The following ABCB9 variants were observed in gnomAD, a reference collection of about 807,000 sequenced individuals.
ABCB9 encodes the protein ATP binding cassette subfamily B member 9, also known as ABC-type oligopeptide transporter ABCB9.
ABCB9 carries 36 observed loss-of-function variants against 62.0 expected under a neutral mutation model. That is an observed-to-expected ratio of 0.58 (90% CI 0.45 to 0.77). The LOEUF (loss-of-function observed/expected upper bound fraction) is 0.77, where lower values mean the gene tolerates loss of function less well. ABCB9 is among the 30% of genes least tolerant of loss of function. ABCB9 has a pLI of 0.00. For missense variants in ABCB9, 943 were observed against 1,054.7 expected, an observed-to-expected ratio of 0.89 and a Z score of 1.47; for synonymous variants, 435 against 461.4, an observed-to-expected ratio of 0.94 and a Z score of 0.73.
At chr12:122,931,094 G>A (rs1202463658) in intron 11 of ABCB9, among the ~76,000 whole-genome samples, 2 of 151,228 alleles carry the variant, frequency 1.3e-5, no homozygotes, top group African/African-American at 4.9e-5. Context: ...GTGCAATCTC[G>A]GCTCATTGCA....
At chr12:122,963,197 C>T (rs908503698) in intron 1 of ABCB9, among the ~76,000 whole-genome samples, 6 of 152,222 alleles carry the variant, frequency 3.9e-5, no homozygotes, top group Non-Finnish European at 8.8e-5. Context: ...ACTCAGGAGG[C>T]TGAGGCAGAA....
intron 2 of ABCB9, among the ~76,000 whole-genome samples, chr12:122,957,779 A>C (rs2036678792): frequency 7.4e-6 from 1 of 135,336 alleles, no homozygotes; most frequent in Non-Finnish European, 1.5e-5. Context: ...ATGCCTGCCC[A>C]CTCTGATGTT....
At chr12:122,923,369 G>C (rs1471997426) in intron 11 of ABCB9, among the ~76,000 whole-genome samples, 1 of 152,126 alleles carries the variant, frequency 6.6e-6, no homozygotes, top group Non-Finnish European at 1.5e-5. Flanking sequence ...CGCACTGCAA[G>C]CTCCGCCTCC....
At position 122,929,607 on chromosome 12, in the gene ABCB9, G is replaced by C. The variant is rs540482981; in HGVS notation, c.*304C>G. ...TTTTTGAAATCTAGGAGTTGACTGGGGTGCCTCAAACCAAACAGTAAAAAC... is the reference window on the plus strand; with the variant it reads ...TTTTTGAAATCTAGGAGTTGACTGGCGTGCCTCAAACCAAACAGTAAAAAC... On this transcript the variant is annotated 3_prime_UTR_variant, in exon 12 of 12. Coordinates refer to ENST00000280560, the MANE Select transcript of ABCB9 (RefSeq NM_019625.4). This position sits in a 1 kb window ranked among gnomAD's most constrained non-coding sequence, Gnocchi z 6.0. 73 of 1,191,160 alleles carry C rather than the reference G, an allele frequency of 6.1e-5. No homozygotes were observed. Among genetic ancestry groups the C allele is most frequent in the Non-Finnish European group, 7.5e-5 (72 of 962,214 alleles). The allele number at this position is 1,191,160 out of a possible 1,614,324, so 73.8% of individuals were successfully genotyped here. A position where few individuals can be genotyped will look rare whatever the true frequency, so the allele number is the denominator to read the frequency against.
intron 1 of ABCB9, among the ~76,000 whole-genome samples, chr12:122,973,600 A>C (rs1323309470): frequency 1.8e-3 from 255 of 144,384 alleles, no homozygotes; most frequent in Admixed American, 3.3e-3. Context: ...AAAAAAAAAA[A>C]AAAAAAAAAC....
At chr12:122,949,364 G>GACCC in intron 4 of ABCB9, 1 of 185,476 alleles carries the variant, frequency 5.4e-6, no homozygotes, top group Non-Finnish European at 1.1e-5. Context: ...CCAGGGCTTC[G>GACCC]ACCCAGGCCG....
downstream of ABCB9, among the ~76,000 whole-genome samples, chr12:122,927,555 G>A (rs981384642): frequency 6.6e-6 from 1 of 152,196 alleles, no homozygotes; most frequent in East Asian, 1.9e-4. Context: ...TGCCTATGGC[G>A]CACTTTTGGG....
chr12:122,960,411 T>C, intron 1 of ABCB9, 89 bp from the exon 2 acceptor site: 1 of 852,798 alleles, frequency 1.2e-6, no homozygotes, highest in Non-Finnish European at 1.8e-6. Context: ...TTGACATCTC[T>C]GAGCCTTAGT....
chr12:122,943,612 T>C (rs769538749), intron 7 of ABCB9, among the ~76,000 whole-genome samples: 8 of 152,118 alleles, frequency 5.3e-5, no homozygotes, highest in Non-Finnish European at 1.2e-4. Context: ...TGTCACTTGT[T>C]GGTAGTATTA....
chr12:122,944,499 C>G lies in ABCB9; in HGVS notation c.1272G>C (p.Gln424His). The G allele has an allele frequency of 6.2e-7, 1 of 1,613,984 alleles. No individual in the cohort carries two copies. The highest frequency in any genetic ancestry group is 8.5e-7 in the Non-Finnish European group (1 of 1,179,948). ...GGCCCCCGTAGTAGAGGATGCTGACCTGGACCACCAGCAGTGTGAGCTGGG... is the reference window on the plus strand; with the variant it reads ...GGCCCCCGTAGTAGAGGATGCTGACGTGGACCACCAGCAGTGTGAGCTGGG... ...WGSGLTLLVVQVSILYYGGHL... is the reference protein window; with the variant it reads ...WGSGLTLLVVHVSILYYGGHL... The change falls in exon 7 of 12, where the codon CAG (glutamine) becomes CAC (histidine). Residue 424 changes from glutamine to histidine, a missense_variant. By Grantham distance (24) the Gln-to-His change is conservative. Transcript: ENST00000280560. The surrounding 1 kb of genome is among the most constrained non-coding windows in gnomAD (Gnocchi z 4.9).
chr12:122,940,792 A>C lies in ABCB9; in HGVS notation c.1569+15T>G. 1 of 1,557,582 alleles carries C rather than the reference A, an allele frequency of 6.4e-7. No homozygotes were observed. On this transcript the variant is annotated intron_variant, in intron 8 of 11. Transcript: ENST00000280560. This position sits in a 1 kb window ranked among gnomAD's most constrained non-coding sequence, Gnocchi z 4.8. ...GGAAAGGCTGATTCTGGCAGGCCTCAAGCCGCGCCCTCACCTGCAGGACCT... is the reference window on the plus strand; with the variant it reads ...GGAAAGGCTGATTCTGGCAGGCCTCCAGCCGCGCCCTCACCTGCAGGACCT...
chr12:122,945,368 G>T (rs1233878832), intron 6 of ABCB9, among the ~76,000 whole-genome samples: 1 of 152,062 alleles, frequency 6.6e-6, no homozygotes, highest in Non-Finnish European at 1.5e-5. Context: ...TGATCCAAGT[G>T]CTCCCCATCC....
At chr12:122,952,003 C>T (rs1402580363) in intron 2 of ABCB9, 1 of 152,252 alleles carries the variant, frequency 6.6e-6, no homozygotes, top group Non-Finnish European at 1.5e-5. Context: ...GCTTGTAAGC[C>T]TGGTTTGCCA....
chr12:122,918,738 A>T (rs1380351013), downstream of ABCB9, among the ~76,000 whole-genome samples: 1 of 152,094 alleles, frequency 6.6e-6, no homozygotes, highest in Non-Finnish European at 1.5e-5. Context: ...GATTACAGGC[A>T]TGAGCCATTG....
intron 9 of ABCB9, among the ~76,000 whole-genome samples, chr12:122,938,519 G>A (rs1179024933): frequency 6.6e-6 from 1 of 151,518 alleles, no homozygotes; most frequent in East Asian, 1.9e-4. Context: ...GCAACAGAGG[G>A]AGACCCTTTC....
chr12:122,944,297 CAG>C lies in ABCB9; in HGVS notation c.1380+92_1380+93del, dbSNP rs2035918583. The C allele has an allele frequency of 6.6e-7, 1 of 1,507,792 alleles. No individual in the cohort carries two copies. The highest frequency in any genetic ancestry group is 1.4e-5 in the African/African-American group (1 of 72,182). 93.4% of individuals were successfully genotyped at this position (1,507,792 alleles called of 1,614,324 possible). ...ACCTTAGAGAGAAATACCACATTGT[CAG>C]AGTCCCTGGAGCCCCGCCCCCACCC... On this transcript the variant is annotated intron_variant, in intron 7 of 11. Coordinates refer to ENST00000280560, the MANE Select transcript of ABCB9 (RefSeq NM_019625.4). This position sits in a 1 kb window ranked among gnomAD's most constrained non-coding sequence, Gnocchi z 4.9.
intron 11 of ABCB9, among the ~76,000 whole-genome samples, chr12:122,921,502 GA>G (rs1189990957): frequency 6.6e-6 from 1 of 151,854 alleles, no homozygotes; most frequent in East Asian, 1.9e-4. Flanking sequence ...ATTGGCCGAG[GA>G]CAGTGGCTCA....
intron 10 of ABCB9, among the ~76,000 whole-genome samples, chr12:122,933,884 T>C (rs1158169329): frequency 2.6e-5 from 4 of 152,138 alleles, no homozygotes; most frequent in East Asian, 1.9e-4. Context: ...TATTTATCAC[T>C]TTTTTAAAGA....
In ABCB9 at chr12:122,944,437, AGGTTGCCGC is replaced by A; in HGVS notation, c.1325_1333del (p.Ser442_Leu445delinsIle). 6.2e-7 allele frequency: 1 copy of A among 1,613,940 alleles called. No homozygotes were observed. The highest frequency in any genetic ancestry group is 8.5e-7 in the Non-Finnish European group (1 of 1,179,942). ...AAACTCGTAGATGATGAAGGCGATG[AGGTTGCCGC>A]TGGTCATCTGGCCTGAGATGACAAG... On this transcript the variant is annotated inframe_deletion, in exon 7 of 12. Transcript: ENST00000280560. This position sits in a 1 kb window ranked among gnomAD's most constrained non-coding sequence, Gnocchi z 4.9.
Sources: allele counts gnomAD v4.1 joint callset (sites outside exome capture counted in the v4.1 genomes callset), GRCh38; gene constraint gnomAD v4.1.1; non-coding constraint Gnocchi (gnomAD v3.1); transcripts MANE v1.5; gene names NCBI Gene and HGNC (gene_info 2026-07-23, HGNC 2026-07-21).